Variants in ZNF532 observed in about 807,000 individuals in gnomAD.
ZNF532 encodes the protein zinc finger protein 532.
Under a neutral mutation model 89.3 loss-of-function variants are expected in ZNF532, and 22 were observed. The ratio of observed to expected loss-of-function variants is 0.25; its 90% CI spans 0.18 to 0.35. The LOEUF is 0.35. ZNF532 is among the 10% of genes least tolerant of loss of function. The pLI, the probability that ZNF532 is intolerant of heterozygous loss-of-function variation, is 1.00. For synonymous variants in ZNF532, 606 were observed against 649.6 expected (o/e 0.93, Z 1.02); for missense variants, 1,132 against 1,643.4 (o/e 0.69, Z 5.38).
intron 2 of ZNF532, among the ~76,000 whole-genome samples, chr18:58,899,012 G>A (rs2059424474): frequency 6.6e-6 from 1 of 152,262 alleles, no homozygotes; most frequent in African/African-American, 2.4e-5. Flanking sequence ...CACGCAGGCC[G>A]GGGCAGAGCC....
rs58182199 is a variant in ZNF532, at chr18:58,957,406, C to CATATATATATATATAT, written c.3150+3621_3150+3636dup. 4.1e-3 allele frequency among the ~76,000 whole-genome samples: 567 copies of CATATATATATATATAT among 138,774 alleles called. 6 individuals carry two copies. Among genetic ancestry groups the CATATATATATATATAT allele is most frequent in the South Asian group, 0.011 (44 of 4,168 alleles). The allele number at this position is 138,774 out of a possible 152,430, so 91.0% of individuals were successfully genotyped here. Reference sequence around the variant, plus strand: ...AGTATCATAATTATGACTTAAAATACATATATATATATATATATATATATA... The same window carrying CATATATATATATATAT: ...AGTATCATAATTATGACTTAAAATACATATATATATATATATATATATATATATATATATATATATA... On this transcript the variant is annotated intron_variant, in intron 7 of 9. Coordinates refer to ENST00000591808, the MANE Select transcript of ZNF532 (RefSeq NM_001375912.1).
intron 7 of ZNF532, among the ~76,000 whole-genome samples, chr18:58,958,634 G>T (rs180954843): frequency 6.6e-6 from 1 of 152,286 alleles, no homozygotes; most frequent in African/African-American, 2.4e-5. Flanking sequence ...GATTGAAGCA[G>T]TTCTCTTTGG....
intron 2 of ZNF532, chr18:58,916,668 G>T (rs908924064): frequency 3.4e-5 from 33 of 983,434 alleles, no homozygotes; most frequent in Non-Finnish European, 3.7e-5. Context: ...TGTTGATTTC[G>T]CCTTCAACAG....
intron 3 of ZNF532, among the ~76,000 whole-genome samples, chr18:58,927,344 C>T (rs924864143): frequency 8.6e-5 from 13 of 151,702 alleles, no homozygotes; most frequent in African/African-American, 2.9e-4. Flanking sequence ...GTAGTGTTTT[C>T]TGTGGGATTT....
intron 5 of ZNF532, among the ~76,000 whole-genome samples, chr18:58,942,254 C>T (rs1568382044): frequency 1.3e-5 from 2 of 150,086 alleles, no homozygotes; most frequent in Non-Finnish European, 3.0e-5. Context: ...GAACTCCTGA[C>T]CTCGTGATCC....
intron 3 of ZNF532, among the ~76,000 whole-genome samples, chr18:58,927,524 A>AG (rs1189640137): frequency 6.6e-6 from 1 of 151,974 alleles, no homozygotes; most frequent in African/African-American, 2.4e-5. Flanking sequence ...TATGAGGCGA[A>AG]GAGAAACCCA....
intron 2 of ZNF532, among the ~76,000 whole-genome samples, chr18:58,881,513 A>G (rs527669693): frequency 6.6e-6 from 1 of 152,290 alleles, no homozygotes; most frequent in East Asian, 1.9e-4. Context: ...ATCATATTGC[A>G]TGTGGTTGTT....
intron 5 of ZNF532, among the ~76,000 whole-genome samples, chr18:58,946,233 A>C (rs900583363): frequency 1.3e-5 from 2 of 152,038 alleles, no homozygotes; most frequent in African/African-American, 4.8e-5. Context: ...ATTTGCATGA[A>C]AATCTTTCCA....
chr18:58,919,238 C>A lies in ZNF532; in HGVS notation c.951C>A (p.Ser317=). The change falls in exon 3 of 10, where the codon TCC becomes TCA. Residue 317 remains serine (S), a synonymous_variant. Transcript: ENST00000591808. This position sits in a 1 kb window ranked among gnomAD's most constrained non-coding sequence, Gnocchi z 6.1. ...SPRAADKSPE[S]QNLIDGTKKP... ...GAGCCGCTGACAAGTCTCCTGAATCCCAGAATCTCATCGACGGGACCAAAA... is the reference window on the plus strand; with the variant it reads ...GAGCCGCTGACAAGTCTCCTGAATCACAGAATCTCATCGACGGGACCAAAA... The A allele has an allele frequency of 3.7e-6, 6 of 1,614,006 alleles. No individual in the cohort carries two copies. Among genetic ancestry groups the A allele is most frequent in the Non-Finnish European group, 5.1e-6 (6 of 1,179,936 alleles).
intron 6 of ZNF532, among the ~76,000 whole-genome samples, chr18:58,951,597 C>T (rs1473461340): frequency 6.7e-6 from 1 of 148,786 alleles, no homozygotes; most frequent in Non-Finnish European, 1.5e-5. Context: ...TCCAGATTTT[C>T]TCTTTGCAAA....
upstream of ZNF532, chr18:58,864,761 T>G (rs1328724235): frequency 1.3e-5 from 2 of 152,292 alleles, no homozygotes; most frequent in South Asian, 4.1e-4. Flanking sequence ...TTTCAGGGAC[T>G]TGTTGGCAAC....
At chr18:58,887,814 G>A (rs1172144525) in intron 2 of ZNF532, among the ~76,000 whole-genome samples, 5 of 152,100 alleles carry the variant, frequency 3.3e-5, no homozygotes, top group Non-Finnish European at 5.9e-5. Flanking sequence ...GGCGAGCTGC[G>A]GTCAGTGCCA....
intron 3 of ZNF532, among the ~76,000 whole-genome samples, chr18:58,924,104 G>A (rs564659864): frequency 3.9e-5 from 6 of 152,240 alleles, no homozygotes; most frequent in East Asian, 3.9e-4. Flanking sequence ...TGATCCACCC[G>A]CCTTGGCCTC....
intron 2 of ZNF532, among the ~76,000 whole-genome samples, chr18:58,915,941 A>C (rs1277136967): frequency 6.6e-6 from 1 of 152,262 alleles, no homozygotes; most frequent in Non-Finnish European, 1.5e-5. Flanking sequence ...AAATGACATT[A>C]AAATCCTGTG....
At chr18:58,863,689 C>A, upstream of ZNF532, 1 of 152,378 alleles carries the variant, frequency 6.6e-6, no homozygotes, top group South Asian at 1.8e-4. Flanking sequence ...GAACAAAGGT[C>A]ATCCGAGCTG....
chr18:58,964,074 G>A (rs528210608), intron 7 of ZNF532: 1 of 152,204 alleles, frequency 6.6e-6, no homozygotes, highest in South Asian at 2.1e-4. Flanking sequence ...TTGCCAGATG[G>A]TTTCATTTTC....
chr18:58,955,505 A>G (rs920337644), intron 7 of ZNF532, among the ~76,000 whole-genome samples: 2 of 152,228 alleles, frequency 1.3e-5, no homozygotes, highest in Non-Finnish European at 2.9e-5. Flanking sequence ...TGTAATTAGT[A>G]TACACTACAT....
Position 58,939,507 on chromosome 18 carries a change from C to G in ZNF532, c.2591C>G (p.Ser864Cys). The G allele has an allele frequency of 6.2e-7, 1 of 1,614,018 alleles. No individual in the cohort carries two copies. The highest frequency in any genetic ancestry group is 8.5e-7 in the Non-Finnish European group (1 of 1,179,992). ...VAALKSHIQG[S>C]HCEVFYKCPI... ...GCTCTGAAGTCTCACATTCAAGGTT[C>G]TCACTGTGAAGTCTTCTACAAGTGT... is the stretch of plus-strand genomic sequence containing the variant. The change falls in exon 5 of 10, where the codon TCT becomes TGT. Residue 864 changes from serine (S) to cysteine (C), a missense_variant. This residue lies in a region of ZNF532 where 415 missense variants were observed against 604.8 expected (regional missense o/e 0.69). Transcript: ENST00000591808.
intron 7 of ZNF532, 72 bp from the exon 8 acceptor site, chr18:58,978,983 A>T: frequency 8.0e-7 from 1 of 1,248,796 alleles, no homozygotes; most frequent in Non-Finnish European, 1.2e-6. Flanking sequence ...TTAAACTATT[A>T]CAAAAGAGTT....
Sources: gnomAD v4.1 joint callset for allele counts (sites outside exome capture counted in the v4.1 genomes callset) on GRCh38, gnomAD v4.1.1 for gene constraint, gnomAD v4.1.1 regional missense constraint, Gnocchi (gnomAD v3.1) non-coding constraint, MANE v1.5 for transcripts, NCBI Gene and HGNC (gene_info 2026-07-23, HGNC 2026-07-21) for gene names.